The following EMSY variants were observed in gnomAD, a reference collection of about 807,000 sequenced individuals.
The protein encoded by EMSY is EMSY transcriptional repressor, BRCA2 interacting, also known as BRCA2-interacting transcriptional repressor EMSY.
Under a neutral mutation model 134.6 loss-of-function variants are expected in EMSY, and 26 were observed. The ratio of observed to expected loss-of-function variants is 0.19; its 90% CI spans 0.14 to 0.27. The LOEUF is 0.27. EMSY is among the 10% of genes least tolerant of loss of function. The pLI is 1.00. For missense variants in EMSY, 1,305 were observed against 1,611.4 expected (o/e 0.81, Z 3.26); for synonymous variants, 579 against 577.8 (o/e 1.00, Z -0.03).
At chr11:76,534,610 A>C (rs553633685) in intron 14 of EMSY, among the ~76,000 whole-genome samples, 1 of 152,270 alleles carries the variant, frequency 6.6e-6, no homozygotes, top group South Asian at 2.1e-4. Flanking sequence ...GCTTTAAAAA[A>C]TATAAGGTTC....
chr11:76,528,585 C>CTTTTTTTTT (rs1202039448), intron 14 of EMSY, 119 bp downstream of exon 15: 4 of 391,282 alleles, frequency 1.0e-5, no homozygotes, highest in African/African-American at 7.2e-5. Flanking sequence ...AATTCTTTTC[C>CTTTTTTTTT]TTTTTTTTTT....
At chr11:76,488,858 T>G (rs1949300620) in intron 8 of EMSY, among the ~76,000 whole-genome samples, 1 of 152,214 alleles carries the variant, frequency 6.6e-6, no homozygotes, top group Non-Finnish European at 1.5e-5. Flanking sequence ...ACATTTCAGG[T>G]TCTACATCTA....
intron 8 of EMSY, among the ~76,000 whole-genome samples, chr11:76,486,456 GGAT>G (rs1949186683): frequency 1.3e-5 from 2 of 152,244 alleles, no homozygotes; most frequent in Admixed American, 1.3e-4. Context: ...GCATGAGTGT[GGAT>G]GATTTTCAAA....
At position 76,519,859 on chromosome 11, in the gene EMSY, G is replaced by A. The variant is rs143538530; in HGVS notation, c.1685-3296G>A. On this transcript the variant is annotated intron_variant, in intron 11 of 20. Transcript: ENST00000334736. ...CAGTTATTTGCACCCATTATATCTC[G>A]ATTGTTTTATAAGTGAAGATTATAT... Among the ~76,000 whole-genome samples, 846 of 152,066 alleles carry A rather than the reference G, an allele frequency of 5.6e-3. 3 individuals carry two copies. Among genetic ancestry groups the A allele is most frequent in the African/African-American group, 0.017 (722 of 41,474 alleles).
chr11:76,546,411 G>T (rs1250188435), intron 20 of EMSY, 114 bp downstream of exon 21: 9 of 1,366,448 alleles, frequency 6.6e-6, no homozygotes, highest in Middle Eastern at 5.1e-4. Flanking sequence ...GGAAGACATA[G>T]ATATTATCTT....
At chr11:76,498,124 T>G (rs1949722509) in intron 9 of EMSY, among the ~76,000 whole-genome samples, 1 of 152,176 alleles carries the variant, frequency 6.6e-6, no homozygotes, top group African/African-American at 2.4e-5. Context: ...TGGAGATTTT[T>G]CTGGGTTTGT....
chr11:76,528,172 C>A, intron 13 of EMSY, 96 bp from the exon 15 acceptor site: 1 of 1,080,942 alleles, frequency 9.3e-7, no homozygotes, highest in Non-Finnish European at 1.4e-6. Flanking sequence ...AGAATAGTTT[C>A]CATACCAGGA....
chr11:76,466,553 C>A (rs989379705), intron 7 of EMSY, among the ~76,000 whole-genome samples: 1 of 152,044 alleles, frequency 6.6e-6, no homozygotes. Flanking sequence ...ATTCTGTGTT[C>A]GGTGTATGGT....
At chr11:76,537,413 C>T (rs1454004538) in intron 15 of EMSY, among the ~76,000 whole-genome samples, 1 of 152,092 alleles carries the variant, frequency 6.6e-6, no homozygotes, top group Non-Finnish European at 1.5e-5. Flanking sequence ...TAGAGCAAAT[C>T]ATGTTATGTA....
At chr11:76,518,858 T>TTGTGTGTGTGTGTGTGTG (rs10691630) in intron 11 of EMSY, among the ~76,000 whole-genome samples, 1 of 143,094 alleles carries the variant, frequency 7.0e-6, no homozygotes, top group African/African-American at 2.6e-5. Flanking sequence ...ATAGGCTGTC[T>TTGTGTGTGTGTGTGTGTG]TGTGTGTGTG....
At chr11:76,539,684 A>T (rs777343994) in intron 17 of EMSY, 44 bp downstream of exon 18, 5 of 1,593,268 alleles carry the variant, frequency 3.1e-6, no homozygotes. Context: ...AAGGTAAAAG[A>T]TGATTGTTTT....
chr11:76,464,016 T>A, exon 7 of EMSY: 1 of 1,614,208 alleles, frequency 6.2e-7, no homozygotes, highest in East Asian at 2.2e-5. Flanking sequence ...CCACCCCACA[T>A]GTCTCCTGTA....
In EMSY at chr11:76,458,135, T is replaced by C. The variant is rs201003493; in HGVS notation, c.246-48T>C. The C allele has an allele frequency of 5.9e-4, 897 of 1,516,476 alleles. 6 individuals are homozygous for C. In the African/African-American group the frequency reaches 0.011, roughly 19 times the overall value. 93.9% of individuals were successfully genotyped at this position (1,516,476 alleles called of 1,614,324 possible). On this transcript the variant is annotated intron_variant, in intron 4 of 20. Transcript: ENST00000334736. ...TGTTTGAGCATATATGTTTGATTTG[T>C]TTTTAGTGATTGAAAACCCTTGTAG...
intron 19 of EMSY, 46 bp downstream of exon 20, chr11:76,544,868 G>A (rs1951584354): frequency 4.5e-6 from 7 of 1,569,170 alleles, no homozygotes; most frequent in Admixed American, 1.8e-5. Flanking sequence ...CTCTGTTCAC[G>A]GAAAAAAAAA....
chr11:76,532,328 T>C (rs1951072337), intron 14 of EMSY, among the ~76,000 whole-genome samples: 1 of 152,022 alleles, frequency 6.6e-6, no homozygotes, highest in Admixed American at 6.6e-5. Flanking sequence ...TATAAACTCA[T>C]TTTTGTTGCC....
chr11:76,470,256 A>G (rs1049775846), intron 7 of EMSY, among the ~76,000 whole-genome samples: 4 of 152,150 alleles, frequency 2.6e-5, no homozygotes, highest in African/African-American at 9.7e-5. Flanking sequence ...TTTCTTTTCT[A>G]GCTAGGTACA....
intron 8 of EMSY, among the ~76,000 whole-genome samples, chr11:76,477,067 T>G (rs1378704244): frequency 6.6e-6 from 1 of 152,066 alleles, no homozygotes; most frequent in Non-Finnish European, 1.5e-5. Context: ...TTCCTAATGA[T>G]TAATAAAATT....
At chr11:76,452,075 T>A in intron 3 of EMSY, 118 bp downstream of exon 3, 1 of 600,680 alleles carries the variant, frequency 1.7e-6, no homozygotes, top group Non-Finnish European at 2.7e-6. Context: ...GTGTTCAAAT[T>A]GTTGGTGCTA....
At chr11:76,532,516 C>T (rs1008133545) in intron 14 of EMSY, among the ~76,000 whole-genome samples, 7 of 152,078 alleles carry the variant, frequency 4.6e-5, no homozygotes, top group Admixed American at 2.0e-4. Context: ...TATGTCATAT[C>T]GTTCCTGTGC....
Sources: gnomAD v4.1 joint callset for allele counts (sites outside exome capture counted in the v4.1 genomes callset) on GRCh38, gnomAD v4.1.1 for gene constraint, MANE v1.5 for transcripts, NCBI Gene and HGNC (gene_info 2026-07-23, HGNC 2026-07-21) for gene names.